Variants in TTC3 observed in about 807,000 individuals in gnomAD.
The protein encoded by TTC3 is E3 ubiquitin-protein ligase TTC3.
In TTC3, 180 loss-of-function variants were observed where a neutral mutation model predicts 249.6. The observed-to-expected ratio is 0.72, with a 90% CI of 0.64 to 0.82. The LOEUF is 0.82. Among genes scored for constraint, TTC3 ranks in the 40% least tolerant of loss-of-function variants. The pLI, the probability that TTC3 is intolerant of heterozygous loss-of-function variation, is 0.00. For synonymous variants in TTC3, 717 were observed against 805.0 expected (o/e 0.89, Z 1.85); for missense variants, 2,061 against 2,398.4 (o/e 0.86, Z 2.94).
chr21:37,167,375 A>T (rs4988831), intron 33 of TTC3, among the ~76,000 whole-genome samples, 180 bp from the exon 34 acceptor site: 152,328 of 152,328 alleles, frequency 1, 76,164 homozygotes, highest in Non-Finnish European at 1. Flanking sequence ...TCATTTCCAG[A>T]TATGCTAATT....
chr21:37,164,028 T>G (rs2081019674), intron 31 of TTC3, 23 bp from the exon 32 acceptor site: 6 of 1,589,364 alleles, frequency 3.8e-6, no homozygotes, highest in Admixed American at 3.6e-5. Flanking sequence ...CAAAATTGGG[T>G]GTTTTTTGTT....
intron 9 of TTC3, among the ~76,000 whole-genome samples, chr21:37,095,705 C>T (rs1017894804): frequency 1.3e-5 from 2 of 152,202 alleles, no homozygotes; most frequent in African/African-American, 4.8e-5. Context: ...ACAGAGTTAC[C>T]TCTTTTGTCT....
intron 42 of TTC3, among the ~76,000 whole-genome samples, chr21:37,197,235 G>T (rs2085015536): frequency 6.6e-6 from 1 of 152,188 alleles, no homozygotes; most frequent in Non-Finnish European, 1.5e-5. Context: ...CCTGAGGTCA[G>T]GAGTTCGGGA....
exon 22 of TTC3, chr21:37,147,535 A>G: frequency 6.2e-7 from 1 of 1,610,936 alleles, no homozygotes; most frequent in African/African-American, 1.3e-5. Flanking sequence ...GCCAGATGCC[A>G]TTTGTTGCTA....
chr21:37,133,577 T>C (rs1483583844), intron 17 of TTC3, among the ~76,000 whole-genome samples: 5 of 152,250 alleles, frequency 3.3e-5, no homozygotes, highest in Non-Finnish European at 7.3e-5. Flanking sequence ...CTCTGTTTGT[T>C]CATTCAACAC....
chr21:37,096,492 A>G lies in TTC3; in HGVS notation c.783-89A>G, dbSNP rs146561491. 5 of 1,035,938 alleles carry G rather than the reference A, an allele frequency of 4.8e-6. No individual in the cohort carries two copies. The African/African-American group carries it at 6.5e-5, about 13-fold the overall frequency. 64.2% of individuals were successfully genotyped at this position (1,035,938 alleles called of 1,614,324 possible). ...GCCACACATATGTAAAGTTTAAAAA[A>G]AGTTTTCTCATGCCTTATGTTTTCT... On this transcript the variant is annotated intron_variant, in intron 9 of 45. Coordinates refer to ENST00000355666, the Ensembl canonical transcript of TTC3.
At chr21:37,160,849 G>C (rs745470776) in exon 30 of TTC3, 2 of 1,612,528 alleles carry the variant, frequency 1.2e-6, no homozygotes, top group East Asian at 2.2e-5. Flanking sequence ...AGAAGCCAAA[G>C]GATTCAAAGG....
chr21:37,175,533 G>A (rs1299839314), intron 35 of TTC3, among the ~76,000 whole-genome samples: 5 of 145,116 alleles, frequency 3.4e-5, no homozygotes, highest in African/African-American at 1.0e-4. Context: ...GGAGGCAGAG[G>A]TTGCAGTGAG....
chr21:37,117,713 A>G (rs2076254434), intron 11 of TTC3, among the ~76,000 whole-genome samples: 1 of 151,932 alleles, frequency 6.6e-6, no homozygotes, highest in Non-Finnish European at 1.5e-5. Context: ...CCATATCTTT[A>G]CAAAAAATTA....
intron 12 of TTC3, 87 bp from the exon 13 acceptor site, chr21:37,122,896 C>G (rs2076737185): frequency 1.5e-6 from 2 of 1,346,816 alleles, no homozygotes; most frequent in African/African-American, 4.4e-5. Flanking sequence ...TCCTTACTAT[C>G]AGCTTAAAGT....
intron 35 of TTC3, among the ~76,000 whole-genome samples, chr21:37,180,057 C>G (rs1160477997): frequency 2.0e-5 from 3 of 152,166 alleles, no homozygotes; most frequent in Non-Finnish European, 1.5e-5. Flanking sequence ...CTTGAATGTT[C>G]TCTTAAGTGT....
intron 11 of TTC3, among the ~76,000 whole-genome samples, chr21:37,113,623 T>C (rs568903041): frequency 6.6e-6 from 1 of 152,278 alleles, no homozygotes; most frequent in African/African-American, 2.4e-5. Context: ...AGGTAATTTA[T>C]AGATTCAGTG....
chr21:37,158,700 T>C (rs2080363038), intron 28 of TTC3, among the ~76,000 whole-genome samples: 1 of 152,180 alleles, frequency 6.6e-6, no homozygotes. Flanking sequence ...TTCAGAGATC[T>C]GTTTTTCCTC....
chr21:37,146,624 C>A (rs902590014), intron 21 of TTC3, among the ~76,000 whole-genome samples: 2 of 152,148 alleles, frequency 1.3e-5, no homozygotes, highest in African/African-American at 4.8e-5. Flanking sequence ...GAGTCCATTC[C>A]TATGAAATCT....
At position 37,147,604 on chromosome 21, in the gene TTC3, G is replaced by A. The variant is rs1289454067; in HGVS notation, c.2016+1G>A. The A allele has an allele frequency of 6.3e-7, 1 of 1,598,126 alleles. No individual in the cohort carries two copies. On this transcript the variant is annotated splice_donor_variant, in intron 22 of 45. Transcript: ENST00000355666. LOFTEE classifies it high-confidence loss of function. ...ATACATAACTGATCCAGACTTTAAG[G>A]TAAATAATGAGTGTACAGTGGGACA...
At chr21:37,149,108 A>G (rs1337697915) in intron 23 of TTC3, among the ~76,000 whole-genome samples, 1 of 152,196 alleles carries the variant, frequency 6.6e-6, no homozygotes, top group Non-Finnish European at 1.5e-5. Flanking sequence ...ATCAACTTCA[A>G]TTTTAAACTG....
At chr21:37,160,612 T>G (rs2080625503) in intron 29 of TTC3, among the ~76,000 whole-genome samples, 190 bp from the exon 30 acceptor site, 1 of 97,768 alleles carries the variant, frequency 1.0e-5, no homozygotes, top group African/African-American at 3.8e-5. Flanking sequence ...TACATTAGTA[T>G]TATTAAATTT....
Position 37,132,664 on chromosome 21 carries a change from A to T in TTC3, c.1359-18A>T. On this transcript the variant is annotated intron_variant, in intron 16 of 45. Coordinates refer to ENST00000355666, the Ensembl canonical transcript of TTC3. ...TTTTATTTTAAAATGATTTTTAAAA[A>T]TGCTTTTTTTCTTTTAGTTCTAGTT... 1 of 1,575,126 alleles carries T rather than the reference A, an allele frequency of 6.3e-7. No individual in the cohort carries two copies. Among genetic ancestry groups the T allele is most frequent in the Non-Finnish European group, 8.6e-7 (1 of 1,162,658 alleles).
intron 12 of TTC3, among the ~76,000 whole-genome samples, chr21:37,122,416 TATAATATATATATATATATATTATA>T (rs1012863482): frequency 4.1e-5 from 3 of 72,302 alleles, no homozygotes; most frequent in African/African-American, 1.7e-4. Flanking sequence ...TATATATATA[TATAATATATATATATATATATTATA>T]TATATATATA....
Sources: gnomAD v4.1 joint callset for allele counts (sites outside exome capture counted in the v4.1 genomes callset) on GRCh38, gnomAD v4.1.1 for gene constraint, MANE v1.5 for transcripts, NCBI Gene and HGNC (gene_info 2026-07-23, HGNC 2026-07-21) for gene names.